Variants in SNAPC3 observed in about 807,000 individuals in gnomAD.
SNAPC3 encodes snRNA-activating protein complex subunit 3.
Under a neutral mutation model 47.7 loss-of-function variants are expected in SNAPC3, and 56 were observed. That is an observed-to-expected ratio of 1.18 (90% confidence interval 0.95 to 1.47). SNAPC3 has a LOEUF of 1.47. Among genes scored for constraint, SNAPC3 ranks in the 40% most tolerant of loss-of-function variants. SNAPC3 has a pLI of 0.00. For synonymous variants in SNAPC3, 235 were observed against 189.9 expected (o/e 1.24, Z -1.95); for missense variants, 665 against 511.3 (o/e 1.30, Z -2.90).
At position 15,423,196 on chromosome 9, in the gene SNAPC3, G is replaced by A. The variant is rs1319986398; in HGVS notation, c.314+3G>A. The A allele has an allele frequency of 3.2e-6, 5 of 1,577,850 alleles. No homozygotes were observed. The highest frequency in any genetic ancestry group is 2.7e-5 in the African/African-American group (2 of 72,956). On this transcript the variant is annotated splice_donor_region_variant and intron_variant, in intron 1 of 8. Coordinates refer to ENST00000380821, the MANE Select transcript of SNAPC3 (RefSeq NM_001039697.2). ...GCTGAGCTGAGGGCGGTGTGCGGGT[G>A]AGTGCGGAGCAAAGGGGCTCTTGCA... is the stretch of plus-strand genomic sequence containing the variant.
intron 3 of SNAPC3, among the ~76,000 whole-genome samples, chr9:15,440,948 C>A (rs1239431303): frequency 6.4e-3 from 776 of 121,432 alleles, no homozygotes; most frequent in Admixed American, 8.2e-3. Context: ...GACTCCGTCT[C>A]AAAAAAAAAA....
intron 3 of SNAPC3, among the ~76,000 whole-genome samples, chr9:15,434,512 A>T (rs2032555880): frequency 6.7e-6 from 1 of 150,106 alleles, no homozygotes; most frequent in South Asian, 2.1e-4. Flanking sequence ...GGTTCAAGCG[A>T]TTCTCCTGCC....
At chr9:15,439,308 A>C (rs900143799) in intron 3 of SNAPC3, among the ~76,000 whole-genome samples, 15 of 152,100 alleles carry the variant, frequency 9.9e-5, no homozygotes, top group African/African-American at 3.6e-4. Context: ...GGCTTTATAT[A>C]AGTTTATAAT....
chr9:15,458,065 C>T lies in SNAPC3; in HGVS notation c.1086C>T (p.Ala362=), dbSNP rs1275332788. ...RKCFVCKMYT[A]RWVTNNDSFA... ...GTTTTGTTTGTAAAATGTATACAGC[C>T]AGGTGAGTGATAATGTATTTTTTTT... The change falls in exon 8 of 9, where the codon GCC becomes GCT. Residue 362 remains alanine, a splice_region_variant and synonymous_variant. Coordinates refer to ENST00000380821, the MANE Select transcript of SNAPC3 (RefSeq NM_001039697.2). 4 of 1,501,842 alleles carry T rather than the reference C, an allele frequency of 2.7e-6. No individual in the cohort carries two copies. The highest frequency in any genetic ancestry group is 2.7e-6 in the Non-Finnish European group (3 of 1,116,626). 93.0% of individuals were successfully genotyped at this position (1,501,842 alleles called of 1,614,324 possible).
At chr9:15,423,244 G>A (rs748306656) in intron 1 of SNAPC3, 51 bp downstream of exon 1, 2 of 1,493,170 alleles carry the variant, frequency 1.3e-6, no homozygotes, top group Admixed American at 4.9e-5. Flanking sequence ...ACAGGGTGCA[G>A]CCTTGCTCGT....
At chr9:15,442,485 C>A (rs1413406353) in intron 3 of SNAPC3, among the ~76,000 whole-genome samples, 1 of 151,284 alleles carries the variant, frequency 6.6e-6, no homozygotes, top group East Asian at 2.0e-4. Flanking sequence ...GGGCTCCTCA[C>A]TTCTCAGACC....
At chr9:15,439,998 G>A (rs1320702979) in intron 3 of SNAPC3, among the ~76,000 whole-genome samples, 3 of 152,116 alleles carry the variant, frequency 2.0e-5, no homozygotes, top group Non-Finnish European at 2.9e-5. Flanking sequence ...GTTTATTGGG[G>A]CATAATCCCA....
Position 15,447,176 on chromosome 9 carries a change from G to C in SNAPC3, c.664G>C (p.Val222Leu). ...LTQLRDSIRC[V>L]SDLQIGGEFS... ...ACAACTGAGGGATTCAATTCGATGT[G>C]TCAGTGACCTCCAGATTGGTGGTGA... Residue 222 changes from valine to leucine, a missense_variant, in exon 5 of 9, where the codon GTC becomes CTC. Transcript: ENST00000380821. 1.2e-6 allele frequency: 2 copies of C among 1,613,932 alleles called. No homozygotes were observed. Among genetic ancestry groups the C allele is most frequent in the Non-Finnish European group, 1.7e-6 (2 of 1,179,806 alleles).
intron 2 of SNAPC3, among the ~76,000 whole-genome samples, chr9:15,432,407 A>G (rs2032276992): frequency 6.6e-6 from 1 of 152,204 alleles, no homozygotes; most frequent in Non-Finnish European, 1.5e-5. Context: ...ACTGGTCTCT[A>G]AACACCTTTT....
At position 15,428,010 on chromosome 9, in the gene SNAPC3, C is replaced by T. The variant is rs548603191; in HGVS notation, c.392+4024C>T. Among the ~76,000 whole-genome samples, 5 of 149,526 alleles carry T rather than the reference C, an allele frequency of 3.3e-5. No individual in the cohort carries two copies. The South Asian group carries it at 1.1e-3, about 32-fold the overall frequency. On this transcript the variant is annotated intron_variant, in intron 2 of 8. Transcript: ENST00000380821. ...CCTGTAGTCCCAGCTACTCGGGAGGCTGAGGCAAGAGAATCACTTGAACCC... is the reference window on the plus strand; with the variant it reads ...CCTGTAGTCCCAGCTACTCGGGAGGTTGAGGCAAGAGAATCACTTGAACCC...
Position 15,459,761 on chromosome 9 carries a change from C to A in SNAPC3, c.1131C>A (p.Cys377Ter). Residue 377 changes from cysteine to a stop codon, truncating the protein, a stop_gained, in exon 9 of 9, where the codon TGC becomes TGA. Coordinates refer to ENST00000380821, the MANE Select transcript of SNAPC3 (RefSeq NM_001039697.2). LOFTEE classifies it high-confidence loss of function. ...NNDSFAPEDP[C>*]FFCDVCFRML... Reference sequence around the variant, plus strand: ...ACAGTTTTGCACCAGAGGACCCATGCTTCTTTTGTGATGTTTGCTTCCGAA... The same window carrying A: ...ACAGTTTTGCACCAGAGGACCCATGATTCTTTTGTGATGTTTGCTTCCGAA... The A allele has an allele frequency of 2.5e-6, 4 of 1,613,596 alleles. No individual in the cohort carries two copies. The highest frequency in any genetic ancestry group is 3.4e-6 in the Non-Finnish European group (4 of 1,179,738).
chr9:15,431,157 G>A (rs1214382354), intron 2 of SNAPC3, among the ~76,000 whole-genome samples: 2 of 152,060 alleles, frequency 1.3e-5, no homozygotes, highest in African/African-American at 4.8e-5. Flanking sequence ...GAAGCACCCC[G>A]CGCCCAGCAG....
chr9:15,455,001 A>G (rs1158715070), intron 7 of SNAPC3, among the ~76,000 whole-genome samples: 1 of 152,232 alleles, frequency 6.6e-6, no homozygotes. Context: ...AATAGCTACA[A>G]AACAAAATGT....
rs2030803604 is a variant in SNAPC3 at position 15,423,181 on chromosome 9, G to A, written c.302G>A (p.Arg101Lys). 6.3e-7 allele frequency: 1 copy of A among 1,579,564 alleles called. No homozygotes were observed. The highest frequency in any genetic ancestry group is 8.5e-7 in the Non-Finnish European group (1 of 1,171,474). The change falls in exon 1 of 9, where the codon AGG (arginine) becomes AAG (lysine). Residue 101 changes from arginine (R) to lysine (K), a missense_variant. Coordinates refer to ENST00000380821, the MANE Select transcript of SNAPC3 (RefSeq NM_001039697.2). ...DCSLEAAAEL[R>K]AVCGLDKLKC... ...AGCCTGGAGGCGGCGGCTGAGCTGA[G>A]GGCGGTGTGCGGGTGAGTGCGGAGC...
At chr9:15,441,329 G>A (rs1374298158) in intron 3 of SNAPC3, among the ~76,000 whole-genome samples, 11 of 143,322 alleles carry the variant, frequency 7.7e-5, no homozygotes, top group South Asian at 4.3e-4. Context: ...ATTGTTTTCC[G>A]TAATAGCTGT....
At chr9:15,437,242 C>CT (rs796295021) in intron 3 of SNAPC3, among the ~76,000 whole-genome samples, 199 of 144,280 alleles carry the variant, frequency 1.4e-3, no homozygotes, top group Middle Eastern at 7.2e-3. Flanking sequence ...TTCTTAATTC[C>CT]TTTTTTTTTT....
chr9:15,449,535 TTATATATATA>T lies in SNAPC3; in HGVS notation c.733-1765_733-1756del, dbSNP rs538667627. Among the ~76,000 whole-genome samples, 233 of 45,756 alleles carry T rather than the reference TTATATATATA, an allele frequency of 5.1e-3. 4 individuals carry two copies. Among genetic ancestry groups the T allele is most frequent in the Middle Eastern group, 0.019 (1 of 54 alleles). The allele number at this position is 45,756 out of a possible 152,430, so 30.0% of individuals were successfully genotyped here. On this transcript the variant is annotated intron_variant, in intron 5 of 8. Coordinates refer to ENST00000380821, the MANE Select transcript of SNAPC3 (RefSeq NM_001039697.2). ...ATTGTTTCTGTCTCTTCTATTATTA[TTATATATATA>T]TATATATATATATATATATTTTTTT...
At chr9:15,465,467 A>G (rs2035554537), downstream of SNAPC3, 2 of 1,431,820 alleles carry the variant, frequency 1.4e-6, no homozygotes, top group Non-Finnish European at 1.9e-6. Context: ...TCTATTTCAA[A>G]TGAAAACCAT....
chr9:15,449,372 T>C (rs963313485), intron 5 of SNAPC3, among the ~76,000 whole-genome samples: 2 of 151,914 alleles, frequency 1.3e-5, no homozygotes, highest in African/African-American at 4.8e-5. Context: ...ACTCACTGTG[T>C]TGCCCAGCAG....
Sources: gnomAD v4.1 joint callset for allele counts (sites outside exome capture counted in the v4.1 genomes callset) on GRCh38, gnomAD v4.1.1 for gene constraint, MANE v1.5 for transcripts, NCBI Gene and HGNC (gene_info 2026-07-23, HGNC 2026-07-21) for gene names.